The following EDAR variants were observed in gnomAD, a reference collection of about 807,000 sequenced individuals.
EDAR encodes tumor necrosis factor receptor superfamily member EDAR.
EDAR carries 38 observed loss-of-function variants against 51.3 expected under a neutral mutation model. That is an observed-to-expected ratio of 0.74 (90% CI 0.57 to 0.97). EDAR has a LOEUF of 0.97. Among genes scored for constraint, EDAR ranks in the 50% least tolerant of loss-of-function variants. The pLI is 0.00. For synonymous variants in EDAR, 227 were observed against 242.1 expected, an observed-to-expected ratio of 0.94 and a Z score of 0.58; for missense variants, 528 against 595.0, an observed-to-expected ratio of 0.89 and a Z score of 1.17.
At chr2:108,915,193 T>C (rs1353605431) in intron 5 of EDAR, among the ~76,000 whole-genome samples, 1 of 152,202 alleles carries the variant, frequency 6.6e-6, no homozygotes, top group African/African-American at 2.4e-5. Context: ...TGTGAGCCTG[T>C]AATCCATGCC....
Position 108,961,432 on chromosome 2 carries a change from T to C in EDAR, c.-19+27528A>G, listed in dbSNP as rs1273106064. On this transcript the variant is annotated intron_variant, in intron 1 of 11. Coordinates refer to ENST00000258443, the MANE Select transcript of EDAR (RefSeq NM_022336.4). ...GGAGGAGCCAGCATTGGAGCACAGC[T>C]TCTCTGGGACCAGCCACCCTCCTTG... is the stretch of plus-strand genomic sequence containing the variant. Among the ~76,000 whole-genome samples, 11 of 152,238 alleles carry C rather than the reference T, an allele frequency of 7.2e-5. No individual in the cohort carries two copies. In the East Asian group the frequency reaches 2.1e-3, roughly 29 times the overall value.
chr2:108,954,932 C>T (rs2104381644), intron 1 of EDAR, among the ~76,000 whole-genome samples: 1 of 152,278 alleles, frequency 6.6e-6, no homozygotes. Flanking sequence ...GATCCGTCTG[C>T]CTCAGCCTCC....
intron 4 of EDAR, among the ~76,000 whole-genome samples, chr2:108,928,471 A>G (rs1486998916): frequency 2.0e-5 from 3 of 152,076 alleles, no homozygotes; most frequent in Admixed American, 2.0e-4. Flanking sequence ...TGTCCCCACC[A>G]GCCTCATCAC....
At chr2:108,958,918 C>A (rs1697979978) in intron 1 of EDAR, among the ~76,000 whole-genome samples, 1 of 152,200 alleles carries the variant, frequency 6.6e-6, no homozygotes, top group African/African-American at 2.4e-5. Flanking sequence ...ATGAGAGAAC[C>A]TGGGAGCCAC....
chr2:108,910,660 G>T, intron 8 of EDAR, 116 bp downstream of exon 8: 1 of 1,424,802 alleles, frequency 7.0e-7, no homozygotes, highest in Non-Finnish European at 9.8e-7. Context: ...CCCACGGTAA[G>T]CACAGTATGG....
chr2:108,953,817 C>T (rs1002629574), intron 1 of EDAR, among the ~76,000 whole-genome samples: 4 of 152,150 alleles, frequency 2.6e-5, no homozygotes, highest in African/African-American at 9.7e-5. Context: ...AGGCTTTGAG[C>T]CTTTCCTCTG....
intron 1 of EDAR, among the ~76,000 whole-genome samples, chr2:108,960,832 C>A (rs1698024609): frequency 1.3e-5 from 2 of 152,090 alleles, no homozygotes; most frequent in South Asian, 4.1e-4. Flanking sequence ...ATTTAATGAG[C>A]CTCTTCATTT....
At chr2:108,938,475 T>C (rs1697520410) in intron 1 of EDAR, among the ~76,000 whole-genome samples, 1 of 152,342 alleles carries the variant, frequency 6.6e-6, no homozygotes, top group South Asian at 2.1e-4. Flanking sequence ...TCTGCACTCT[T>C]GGAGGATTGC....
intron 1 of EDAR, among the ~76,000 whole-genome samples, chr2:108,956,022 C>T (rs897381888): frequency 5.3e-5 from 8 of 152,170 alleles, no homozygotes; most frequent in African/African-American, 1.9e-4. Flanking sequence ...GGGCAAGACT[C>T]TGTCTCAAAA....
chr2:108,910,969 C>A lies in EDAR; in HGVS notation c.633G>T (p.Leu211=). The stretch of plus-strand genomic sequence containing the variant: ...CACCTGGGGCAGAGGGCTTTGTCTT[C>A]AGGATGTAGAACATGATGATGAGGA... ...AIVLIIMFYI[L]KTKPSAPACC... is the part of the protein sequence containing the mutation. The change falls in exon 7 of 12, where the codon CTG becomes CTT. Residue 211 remains leucine (L), a synonymous_variant. Transcript: ENST00000258443. 6.2e-7 allele frequency: 1 copy of A among 1,614,114 alleles called. No individual in the cohort carries two copies. Among genetic ancestry groups the A allele is most frequent in the Non-Finnish European group, 8.5e-7 (1 of 1,180,010 alleles).
intron 11 of EDAR, among the ~76,000 whole-genome samples, chr2:108,901,714 C>G (rs1210660652): frequency 6.6e-6 from 1 of 152,138 alleles, no homozygotes; most frequent in Non-Finnish European, 1.5e-5. Flanking sequence ...TGAAAATAAA[C>G]AATTCCTCAA....
intron 1 of EDAR, among the ~76,000 whole-genome samples, chr2:108,968,971 C>T (rs1157046061): frequency 6.6e-6 from 1 of 152,186 alleles, no homozygotes; most frequent in Admixed American, 6.5e-5. Context: ...GGACCTTAAG[C>T]AGTTTTGTTA....
intron 9 of EDAR, among the ~76,000 whole-genome samples, chr2:108,909,081 C>T (rs954259537): frequency 5.3e-5 from 8 of 152,146 alleles, no homozygotes; most frequent in East Asian, 1.9e-4. Context: ...TGTCTTTTAA[C>T]GTACAAGTGT....
intron 1 of EDAR, among the ~76,000 whole-genome samples, chr2:108,968,209 T>G (rs1167528536): frequency 6.6e-6 from 1 of 152,124 alleles, no homozygotes; most frequent in Admixed American, 6.5e-5. Context: ...ACCAGCTGCA[T>G]CAGCATCGCC....
At chr2:108,944,998 T>G (rs1218156575) in intron 1 of EDAR, among the ~76,000 whole-genome samples, 2 of 152,198 alleles carry the variant, frequency 1.3e-5, no homozygotes, top group Admixed American at 6.5e-5. Flanking sequence ...ATCACCGTAT[T>G]ATACCAGCCT....
At chr2:108,914,304 A>G (rs1696987742) in intron 5 of EDAR, among the ~76,000 whole-genome samples, 1 of 152,098 alleles carries the variant, frequency 6.6e-6, no homozygotes, top group Non-Finnish European at 1.5e-5. Context: ...AAAATCTGGA[A>G]AAATAAGAAC....
Position 108,897,079 on chromosome 2 carries a change from G to C in EDAR, c.1175C>G (p.Thr392Arg). The C allele has an allele frequency of 7.4e-6, 12 of 1,614,192 alleles. No homozygotes were observed. Among genetic ancestry groups the C allele is most frequent in the Non-Finnish European group, 1.0e-5 (12 of 1,180,048 alleles). The change falls in exon 12 of 12, where the codon ACA (threonine) becomes AGA (arginine). Residue 392 changes from threonine to arginine, a missense_variant. Transcript: ENST00000258443. ...GLKRDEIGGM[T>R]DGMQLFDRIS... is the part of the protein sequence containing the mutation. ...GCGGTCAAAGAGTTGCATGCCGTCT[G>C]TCATGCCCCCAATCTCATCCCTCTT...
chr2:108,913,171 G>C (rs545539457), intron 5 of EDAR, among the ~76,000 whole-genome samples: 66 of 152,094 alleles, frequency 4.3e-4, no homozygotes, highest in Non-Finnish European at 8.1e-4. Context: ...GGATGGGCTC[G>C]ATCTCCTGAC....
intron 5 of EDAR, among the ~76,000 whole-genome samples, chr2:108,918,110 G>A (rs551919395): frequency 1.3e-5 from 2 of 152,304 alleles, no homozygotes; most frequent in East Asian, 3.9e-4. Context: ...AAAGAGAGCG[G>A]TCTGGGCTGA....
Sources: gnomAD v4.1 joint callset for allele counts (sites outside exome capture counted in the v4.1 genomes callset) on GRCh38, gnomAD v4.1.1 for gene constraint, MANE v1.5 for transcripts, NCBI Gene and HGNC (gene_info 2026-07-23, HGNC 2026-07-21) for gene names.